The following CCSER2 variants were observed in gnomAD, a reference collection of about 807,000 sequenced individuals.
The protein encoded by CCSER2 is serine-rich coiled-coil domain-containing protein 2.
Under a neutral mutation model 92.3 loss-of-function variants are expected in CCSER2, and 46 were observed. The observed-to-expected ratio is 0.50, with a 90% CI of 0.39 to 0.64. CCSER2 has a LOEUF of 0.64. CCSER2 is among the 30% of genes least tolerant of loss of function. The probability of loss-of-function intolerance (pLI) is 0.00; values close to 1 mark genes in which losing one functional copy is unlikely to be tolerated. For missense variants in CCSER2, 1,244 were observed against 1,238.9 expected, an observed-to-expected ratio of 1.00 and a Z score of -0.06; for synonymous variants, 433 against 431.4, an observed-to-expected ratio of 1.00 and a Z score of -0.04.
chr10:84,368,058 T>G (rs1253054549), intron 1 of CCSER2, among the ~76,000 whole-genome samples: 4 of 152,166 alleles, frequency 2.6e-5, no homozygotes, highest in Non-Finnish European at 5.9e-5. Flanking sequence ...GATCCTTCCC[T>G]CAACTCAGTA....
chr10:84,353,742 T>G (rs1362996147), intron 1 of CCSER2, among the ~76,000 whole-genome samples: 1 of 152,152 alleles, frequency 6.6e-6, no homozygotes, highest in Admixed American at 6.5e-5. Context: ...TTTTCCCCTT[T>G]AGCATTTTCA....
rs114742739 is a variant in CCSER2 at position 84,439,101 on chromosome 10, G to T, written c.2064+394G>T. Among the ~76,000 whole-genome samples the T allele has an allele frequency of 4.5e-3, 683 of 151,972 alleles. 8 individuals carry two copies. The highest frequency in any genetic ancestry group is 0.016 in the African/African-American group (654 of 41,486). On this transcript the variant is annotated intron_variant, in intron 6 of 9. Coordinates refer to ENST00000372088, the MANE Select transcript of CCSER2 (RefSeq NM_001284240.2). ...ATGATTTCAGCTAAGTGACAAATAA[G>T]AAACAACAATTTTTGCTTTACATAA...
intron 5 of CCSER2, among the ~76,000 whole-genome samples, chr10:84,437,873 G>C (rs949319669): frequency 4.0e-5 from 6 of 151,710 alleles, no homozygotes; most frequent in African/African-American, 1.5e-4. Context: ...CCACCATGCT[G>C]GGGTAATTTT....
chr10:84,420,950 G>A (rs1369607190), intron 4 of CCSER2, among the ~76,000 whole-genome samples: 8 of 124,348 alleles, frequency 6.4e-5, no homozygotes, highest in Non-Finnish European at 8.9e-5. Context: ...AAAAAAAAAA[G>A]GTTTAGATTG....
At chr10:84,390,905 G>A (rs1023778548) in intron 3 of CCSER2, 2 of 727,326 alleles carry the variant, frequency 2.7e-6, no homozygotes, top group Non-Finnish European at 5.2e-6. Flanking sequence ...TGGTTTTGCT[G>A]CCTAGAAGAG....
At chr10:84,372,770 C>T (rs1039385393) in intron 2 of CCSER2, among the ~76,000 whole-genome samples, 1 of 152,094 alleles carries the variant, frequency 6.6e-6, no homozygotes, top group Non-Finnish European at 1.5e-5. Flanking sequence ...CCCTGCTTAC[C>T]TCAACCAGTG....
intron 1 of CCSER2, among the ~76,000 whole-genome samples, chr10:84,352,936 A>T (rs1274053371): frequency 6.6e-6 from 1 of 152,022 alleles, no homozygotes; most frequent in East Asian, 1.9e-4. Context: ...GATTACAGGC[A>T]TGTGCCCCCC....
chr10:84,450,308 C>A (rs922130764), intron 6 of CCSER2, among the ~76,000 whole-genome samples: 1 of 152,122 alleles, frequency 6.6e-6, no homozygotes, highest in Non-Finnish European at 1.5e-5. Flanking sequence ...TGAAGTAAAA[C>A]AGTATAAAAC....
chr10:84,375,667 A>G (rs1345256728), intron 3 of CCSER2, among the ~76,000 whole-genome samples: 1 of 147,004 alleles, frequency 6.8e-6, no homozygotes, highest in East Asian at 2.0e-4. Context: ...TTATTTATAT[A>G]TTTTCTCTTC....
chr10:84,506,975 A>G (rs756485046), intron 9 of CCSER2, among the ~76,000 whole-genome samples: 18 of 152,246 alleles, frequency 1.2e-4, no homozygotes, highest in Admixed American at 2.0e-4. Context: ...ATTACTTTCA[A>G]TATTTTGTTT....
intron 3 of CCSER2, 68 bp downstream of exon 3, chr10:84,373,883 T>C (rs1311861593): frequency 1.3e-6 from 2 of 1,587,920 alleles, no homozygotes; most frequent in Non-Finnish European, 1.7e-6. Context: ...TGTGATATGA[T>C]TGATTTTGTA....
chr10:84,372,145 C>G lies in CCSER2; in HGVS notation c.1093C>G (p.Gln365Glu). Residue 365 changes from glutamine to glutamate, a missense_variant, in exon 2 of 10, where the codon CAA becomes GAA. By Grantham distance (29) the Gln-to-Glu change is conservative. Transcript: ENST00000372088. Reference sequence around the variant, plus strand: ...TAAGGACAGAGCTGCTAATAAGGACCAAGAACTGATTGAAAATGAAAGTTA... The same window carrying G: ...TAAGGACAGAGCTGCTAATAAGGACGAAGAACTGATTGAAAATGAAAGTTA... ...LAKDRAANKD[Q>E]ELIENESYRT... The G allele has an allele frequency of 1.2e-6, 2 of 1,613,438 alleles. No individual in the cohort carries two copies. The highest frequency in any genetic ancestry group is 1.7e-6 in the Non-Finnish European group (2 of 1,179,734).
chr10:84,334,776 C>T (rs937955932), intron 1 of CCSER2, among the ~76,000 whole-genome samples: 4 of 152,136 alleles, frequency 2.6e-5, no homozygotes, highest in Non-Finnish European at 5.9e-5. Flanking sequence ...CTTCATATGT[C>T]TGTTTTTCAA....
chr10:84,381,917 CAAAAAAAAAAAA>C (rs544545707), intron 3 of CCSER2, among the ~76,000 whole-genome samples: 3 of 120,074 alleles, frequency 2.5e-5, no homozygotes, highest in African/African-American at 6.0e-5. Context: ...AAGGCTTTCT[CAAAAAAAAAAAA>C]AAAAAAAAGA....
At chr10:84,370,960 A>C (rs1197173645) in intron 1 of CCSER2, 54 bp from the exon 2 acceptor site, 1 of 776,214 alleles carries the variant, frequency 1.3e-6, no homozygotes, top group East Asian at 2.8e-5. Context: ...GTAATAATTC[A>C]TGTAATTATC....
In CCSER2 at chr10:84,515,067, A is replaced by G. The variant is rs1849550664; in HGVS notation, c.*800A>G. ...CCTTGAAACCTGTACCTAAAGATGT[A>G]TTCATTTGTAACATATGTTGGTGCT... On this transcript the variant is annotated 3_prime_UTR_variant, in exon 10 of 10. Coordinates refer to ENST00000372088, the MANE Select transcript of CCSER2 (RefSeq NM_001284240.2). 1 of 152,640 alleles carries G rather than the reference A, an allele frequency of 6.6e-6. No homozygotes were observed. The highest frequency in any genetic ancestry group is 6.5e-5 in the Admixed American group (1 of 15,290). The allele number at this position is 152,640 out of a possible 1,614,324, so 9.5% of individuals were successfully genotyped here.
intron 6 of CCSER2, among the ~76,000 whole-genome samples, chr10:84,461,121 G>A (rs1241169778): frequency 6.6e-6 from 1 of 152,050 alleles, no homozygotes; most frequent in Non-Finnish European, 1.5e-5. Flanking sequence ...GGTATGTGGT[G>A]TCTGTTATTT....
At chr10:84,341,332 C>G (rs1185005509) in intron 1 of CCSER2, among the ~76,000 whole-genome samples, 2 of 144,912 alleles carry the variant, frequency 1.4e-5, no homozygotes, top group East Asian at 3.9e-4. Flanking sequence ...CTGCACCTGG[C>G]CTTTGTAACT....
chr10:84,450,980 G>A (rs987653687), intron 6 of CCSER2, among the ~76,000 whole-genome samples: 4 of 152,014 alleles, frequency 2.6e-5, no homozygotes, highest in African/African-American at 7.3e-5. Flanking sequence ...TTCTCAGTAC[G>A]ATTTACAGAT....
Sources: gnomAD v4.1 joint callset for allele counts (sites outside exome capture counted in the v4.1 genomes callset) on GRCh38, gnomAD v4.1.1 for gene constraint, MANE v1.5 for transcripts, NCBI Gene and HGNC (gene_info 2026-07-23, HGNC 2026-07-21) for gene names.